Variants in FMN2 observed in about 807,000 individuals in gnomAD.
FMN2 encodes the protein formin 2.
A neutral mutation model predicts 142.3 loss-of-function variants in FMN2; 51 were observed. That is an observed-to-expected ratio of 0.36 (90% CI 0.29 to 0.45). FMN2 has a LOEUF of 0.45. Among genes scored for constraint, FMN2 ranks in the 20% least tolerant of loss-of-function variants. FMN2 has a pLI of 1.00. For synonymous variants in FMN2, 882 were observed against 869.8 expected, an observed-to-expected ratio of 1.01 and a Z score of -0.25; for missense variants, 1,936 against 2,122.8, an observed-to-expected ratio of 0.91 and a Z score of 1.73.
In FMN2 at chr1:240,092,295, C is replaced by T. The variant is rs779828340; in HGVS notation, c.186C>T (p.Gly62=). The change falls in exon 1 of 18, where the codon GGC becomes GGT. Residue 62 remains glycine (G), a synonymous_variant. Coordinates refer to ENST00000319653, the MANE Select transcript of FMN2 (RefSeq NM_020066.5). ...GCGGCGGCGGCGGCGGGGAGTCGGG[C>T]AAGAAGAAGAGCAAGTCCGACTCCA... ...GGGGGGGGES[G]KKKSKSDSRA... 10 of 1,592,042 alleles carry T rather than the reference C, an allele frequency of 6.3e-6. No individual in the cohort carries two copies. In the African/African-American group the frequency reaches 1.3e-4, roughly 21 times the overall value.
intron 16 of FMN2, among the ~76,000 whole-genome samples, chr1:240,450,975 G>C (rs1312915054): frequency 6.6e-6 from 1 of 152,188 alleles, no homozygotes; most frequent in Non-Finnish European, 1.5e-5. Context: ...AGGTATCCTT[G>C]TGCTACTGTA....
chr1:240,301,406 A>G (rs899908399), intron 8 of FMN2, among the ~76,000 whole-genome samples: 2 of 151,860 alleles, frequency 1.3e-5, no homozygotes, highest in Non-Finnish European at 2.9e-5. Flanking sequence ...ACATATTTAA[A>G]TATAGTTTTT....
chr1:240,217,771 G>C (rs1449563519), intron 6 of FMN2, among the ~76,000 whole-genome samples: 1 of 150,188 alleles, frequency 6.7e-6, no homozygotes, highest in African/African-American at 2.4e-5. Flanking sequence ...TAGCCAGTAA[G>C]ATTGTTTTTA....
intron 14 of FMN2, among the ~76,000 whole-genome samples, chr1:240,377,526 G>C (rs1483899190): frequency 6.6e-6 from 1 of 152,060 alleles, no homozygotes; most frequent in Non-Finnish European, 1.5e-5. Flanking sequence ...TGTTCCTTCT[G>C]GAGTATCTAG....
At chr1:240,148,594 T>G (rs1252747286) in intron 2 of FMN2, among the ~76,000 whole-genome samples, 1 of 152,240 alleles carries the variant, frequency 6.6e-6, no homozygotes, top group Non-Finnish European at 1.5e-5. Flanking sequence ...TTTTTATTTC[T>G]TACAAGAACT....
intron 8 of FMN2, among the ~76,000 whole-genome samples, chr1:240,313,611 A>T (rs1670666337): frequency 6.6e-6 from 1 of 152,152 alleles, no homozygotes; most frequent in Non-Finnish European, 1.5e-5. Flanking sequence ...ATTCCTGGAC[A>T]GCTCTGTGTA....
chr1:240,217,081 A>G (rs1322609141), intron 6 of FMN2, among the ~76,000 whole-genome samples: 2 of 152,258 alleles, frequency 1.3e-5, no homozygotes, highest in Admixed American at 6.5e-5. Flanking sequence ...TTGCCAATAA[A>G]AGGCTGCTTC....
At chr1:240,203,949 T>C (rs1666227759) in intron 4 of FMN2, among the ~76,000 whole-genome samples, 1 of 152,224 alleles carries the variant, frequency 6.6e-6, no homozygotes, top group African/African-American at 2.4e-5. Flanking sequence ...ACAAATACTT[T>C]AGTCTTTTGT....
chr1:240,196,484 G>A (rs1276859313), intron 4 of FMN2, among the ~76,000 whole-genome samples: 1 of 152,094 alleles, frequency 6.6e-6, no homozygotes, highest in Admixed American at 6.6e-5. Context: ...TGGAGGTGGG[G>A]CCCAGCAATC....
intron 2 of FMN2, among the ~76,000 whole-genome samples, chr1:240,139,541 A>G (rs768751435): frequency 6.6e-6 from 1 of 152,226 alleles, no homozygotes; most frequent in Non-Finnish European, 1.5e-5. Context: ...AATAAGGGGA[A>G]AAAAGCTACA....
chr1:240,190,677 C>T (rs1162085340), intron 4 of FMN2, among the ~76,000 whole-genome samples: 1 of 152,100 alleles, frequency 6.6e-6, no homozygotes, highest in South Asian at 2.1e-4. Flanking sequence ...TATACTTATA[C>T]TATGATAAAA....
intron 2 of FMN2, among the ~76,000 whole-genome samples, chr1:240,135,942 G>T (rs1182361941): frequency 2.0e-5 from 3 of 149,716 alleles, no homozygotes; most frequent in Non-Finnish European, 4.4e-5. Context: ...GCCTCCCAAA[G>T]TGCTGGGATT....
intron 2 of FMN2, among the ~76,000 whole-genome samples, chr1:240,140,071 A>G (rs1456735718): frequency 1.3e-5 from 2 of 152,104 alleles, no homozygotes; most frequent in Non-Finnish European, 2.9e-5. Context: ...TCTGCTGGCT[A>G]AGATTGCGTG....
At chr1:240,295,613 G>C (rs7529628) in intron 8 of FMN2, among the ~76,000 whole-genome samples, 31,666 of 151,904 alleles carry the variant, frequency 0.21, 3,553 homozygotes, top group Admixed American at 0.33. Context: ...TTTTTTATGG[G>C]TGAATAATAT....
At chr1:240,324,512 G>A (rs1197338567) in intron 8 of FMN2, among the ~76,000 whole-genome samples, 2 of 151,984 alleles carry the variant, frequency 1.3e-5, no homozygotes, top group East Asian at 3.9e-4. Flanking sequence ...AATTACCTGG[G>A]CATGCATGGT....
intron 2 of FMN2, chr1:240,170,867 A>T: frequency 1.2e-6 from 1 of 808,156 alleles, no homozygotes; most frequent in Non-Finnish European, 2.2e-6. Flanking sequence ...CCAAGGGCTA[A>T]AGAGTTTGGA....
chr1:240,363,729 G>T (rs9660912), intron 14 of FMN2, among the ~76,000 whole-genome samples: 83,331 of 151,880 alleles, frequency 0.55, 23,539 homozygotes, highest in African/African-American at 0.69. Context: ...CCCCAACTCT[G>T]TTTCTCCCCT....
chr1:240,379,593 A>G (rs894330373), intron 14 of FMN2, among the ~76,000 whole-genome samples: 5 of 152,124 alleles, frequency 3.3e-5, no homozygotes, highest in African/African-American at 1.2e-4. Flanking sequence ...AATTGCTTTT[A>G]GACAGAAATC....
At chr1:240,391,104 A>G (rs1254429709) in intron 14 of FMN2, among the ~76,000 whole-genome samples, 1 of 152,192 alleles carries the variant, frequency 6.6e-6, no homozygotes, top group African/African-American at 2.4e-5. Context: ...TCAAAGTAAA[A>G]TCATAGGATA....
Sources: gnomAD v4.1 joint callset for allele counts (sites outside exome capture counted in the v4.1 genomes callset) on GRCh38, gnomAD v4.1.1 for gene constraint, MANE v1.5 for transcripts, NCBI Gene and HGNC (gene_info 2026-07-23, HGNC 2026-07-21) for gene names.